Variants in DNAJC5 observed in about 807,000 individuals in gnomAD.
The protein encoded by DNAJC5 is dnaJ homolog subfamily C member 5.
Under a neutral mutation model 23.2 loss-of-function variants are expected in DNAJC5, and 1 was observed. The observed-to-expected ratio is 0.04, with a 90% CI of 0.02 to 0.20. The LOEUF is 0.20. DNAJC5 is among the 10% of genes least tolerant of loss of function. The probability of loss-of-function intolerance (pLI) is 1.00; values close to 1 mark genes in which losing one functional copy is unlikely to be tolerated. For synonymous variants in DNAJC5, 136 were observed against 120.0 expected, an observed-to-expected ratio of 1.13 and a Z score of -0.87; for missense variants, 180 against 267.0, an observed-to-expected ratio of 0.67 and a Z score of 2.27.
Position 63,928,607 on chromosome 20 carries a change from ATG to A in DNAJC5, c.107+158_107+159del, listed in dbSNP as rs2053635779. On this transcript the variant is annotated intron_variant, in intron 2 of 4. Transcript: ENST00000360864. This position sits in a 1 kb window ranked among gnomAD's most constrained non-coding sequence, Gnocchi z 4.6. Reference sequence around the variant, plus strand: ...GCTCGGTAACACCTTTGTATGTGTAATGTGCTCCTTATAGCTTAAAGTTATGG... The same window carrying A: ...GCTCGGTAACACCTTTGTATGTGTAATGCTCCTTATAGCTTAAAGTTATGG... Among the ~76,000 whole-genome samples, 2 of 152,216 alleles carry A rather than the reference ATG, an allele frequency of 1.3e-5. No homozygotes were observed. The highest frequency in any genetic ancestry group is 6.5e-5 in the Admixed American group (1 of 15,288).
chr20:63,921,898 C>T (rs1394028238), intron 1 of DNAJC5, among the ~76,000 whole-genome samples: 1 of 152,014 alleles, frequency 6.6e-6, no homozygotes, highest in Non-Finnish European at 1.5e-5. Flanking sequence ...CCTGCCTCAG[C>T]CTCCCAACTA....
chr20:63,920,133 G>A lies in DNAJC5; in HGVS notation c.-11-8202G>A, dbSNP rs2053555551. Among the ~76,000 whole-genome samples, 1 of 139,484 alleles carries A rather than the reference G, an allele frequency of 7.2e-6. No homozygotes were observed. The highest frequency in any genetic ancestry group is 7.0e-5 in the Admixed American group (1 of 14,248). 91.5% of individuals were successfully genotyped at this position (139,484 alleles called of 152,430 possible). On this transcript the variant is annotated intron_variant, in intron 1 of 4. Coordinates refer to ENST00000360864, the MANE Select transcript of DNAJC5 (RefSeq NM_025219.3). This position sits in a 1 kb window ranked among gnomAD's most constrained non-coding sequence, Gnocchi z 4.6. ...GGGCCCGGGACAGCGCCACGGAAGAGGACGCACAGGACAGCGCCACGGAAG... is the reference window on the plus strand; with the variant it reads ...GGGCCCGGGACAGCGCCACGGAAGAAGACGCACAGGACAGCGCCACGGAAG...
chr20:63,897,396 T>C (rs1568972545), intron 1 of DNAJC5, among the ~76,000 whole-genome samples: 3 of 146,118 alleles, frequency 2.1e-5, no homozygotes, highest in African/African-American at 7.7e-5. Context: ...CTCCATCTTA[T>C]AAAAAAAATA....
chr20:63,931,044 C>T lies in DNAJC5; in HGVS notation c.493+22C>T, dbSNP rs75028039. 0.036 allele frequency: 57,425 copies of T among 1,608,254 alleles called. 1,144 individuals are homozygous for T. Among genetic ancestry groups the T allele is most frequent in the Middle Eastern group, 0.067 (405 of 6,050 alleles). On this transcript the variant is annotated intron_variant, in intron 4 of 4. Coordinates refer to ENST00000360864, the MANE Select transcript of DNAJC5 (RefSeq NM_025219.3). The surrounding 1 kb of genome is among the most constrained non-coding windows in gnomAD (Gnocchi z 9.6). ...AGGGGTGAGTGCCCGCCCCAGGGCC[C>T]GTGTGTGTGTGTGGGGCAGAGCCAG...
chr20:63,933,310 G>A lies in DNAJC5; in HGVS notation c.*1742G>A, dbSNP rs2053689916. ...CCAGGAAGCTGCCAAAAGGGACATG[G>A]ATATGAGGATACATCTGGACGTGCT... On this transcript the variant is annotated 3_prime_UTR_variant, in exon 5 of 5. Transcript: ENST00000360864. The A allele has an allele frequency of 6.6e-6, 1 of 152,378 alleles. No individual in the cohort carries two copies. Among genetic ancestry groups the A allele is most frequent in the African/African-American group, 2.4e-5 (1 of 41,440 alleles). 9.4% of individuals were successfully genotyped at this position (152,378 alleles called of 1,614,324 possible). A position where few individuals can be genotyped will look rare whatever the true frequency, so the allele number is the denominator to read the frequency against.
chr20:63,900,480 G>A (rs1378462127), intron 1 of DNAJC5, among the ~76,000 whole-genome samples: 1 of 150,398 alleles, frequency 6.6e-6, no homozygotes, highest in Non-Finnish European at 1.5e-5. Context: ...CGGAGGCTGA[G>A]GTGGTAGGAT....
Position 63,928,258 on chromosome 20 carries a change from G to A in DNAJC5, c.-11-77G>A. 8.3e-7 allele frequency: 1 copy of A among 1,209,992 alleles called. No individual in the cohort carries two copies. The highest frequency in any genetic ancestry group is 1.2e-6 in the Non-Finnish European group (1 of 829,310). The allele number at this position is 1,209,992 out of a possible 1,614,324, so 75.0% of individuals were successfully genotyped here. On this transcript the variant is annotated intron_variant, in intron 1 of 4. Transcript: ENST00000360864. This position sits in a 1 kb window ranked among gnomAD's most constrained non-coding sequence, Gnocchi z 4.6. ...ATTCTTTTGCTTTGAACGGTCTTAT[G>A]GAATAAAGTCCATCAGCTCTGCCCT...
At chr20:63,902,081 GT>G (rs1907982180) in intron 1 of DNAJC5, among the ~76,000 whole-genome samples, 3 of 151,924 alleles carry the variant, frequency 2.0e-5, no homozygotes, top group African/African-American at 7.3e-5. Flanking sequence ...GGGGGACAGA[GT>G]CTTGTGCTGT....
In DNAJC5 at chr20:63,935,138, G is replaced by C. The variant is rs1299883171; in HGVS notation, c.*3570G>C. 6.6e-6 allele frequency: 1 copy of C among 152,330 alleles called. No homozygotes were observed. Among genetic ancestry groups the C allele is most frequent in the East Asian group, 1.9e-4 (1 of 5,206 alleles). The allele number at this position is 152,330 out of a possible 1,614,324, so 9.4% of individuals were successfully genotyped here. A position where few individuals can be genotyped will look rare whatever the true frequency, so the allele number is the denominator to read the frequency against. ...AGCTACATTTTTACTGTCCTTACCAGCAACAGTTTGCGTCGTCACATGCTG... is the reference window on the plus strand; with the variant it reads ...AGCTACATTTTTACTGTCCTTACCACCAACAGTTTGCGTCGTCACATGCTG... On this transcript the variant is annotated 3_prime_UTR_variant, in exon 5 of 5. Coordinates refer to ENST00000360864, the MANE Select transcript of DNAJC5 (RefSeq NM_025219.3).
chr20:63,907,801 C>G (rs1429469405), intron 1 of DNAJC5, among the ~76,000 whole-genome samples: 1 of 152,226 alleles, frequency 6.6e-6, no homozygotes, highest in Non-Finnish European at 1.5e-5. Flanking sequence ...GAGTCTCGCT[C>G]TGTCGACAGG....
chr20:63,923,299 G>A (rs1434418730), intron 1 of DNAJC5, among the ~76,000 whole-genome samples: 1 of 151,720 alleles, frequency 6.6e-6, no homozygotes, highest in East Asian at 1.9e-4. Context: ...AAAGTTAGCT[G>A]GGCATGGTGG....
In DNAJC5 at chr20:63,928,330, T is replaced by C. The variant is rs2053632611; in HGVS notation, c.-11-5T>C. The C allele has an allele frequency of 6.2e-7, 1 of 1,608,978 alleles. No individual in the cohort carries two copies. The highest frequency in any genetic ancestry group is 1.7e-5 in the Admixed American group (1 of 59,996). ...GTGATACTTTCTTTTTATTTTTTCT[T>C]CTAGAATAGCCTAACATGGCAGACC... On this transcript the variant is annotated splice_region_variant and splice_polypyrimidine_tract_variant and intron_variant, in intron 1 of 4. Coordinates refer to ENST00000360864, the MANE Select transcript of DNAJC5 (RefSeq NM_025219.3). The surrounding 1 kb of genome is among the most constrained non-coding windows in gnomAD (Gnocchi z 4.6).
chr20:63,931,356 C>G lies in DNAJC5; in HGVS notation c.494-109C>G. 9.2e-7 allele frequency: 1 copy of G among 1,090,970 alleles called. No homozygotes were observed. The highest frequency in any genetic ancestry group is 1.3e-5 in the South Asian group (1 of 74,976). 67.6% of individuals were successfully genotyped at this position (1,090,970 alleles called of 1,614,324 possible). A position where few individuals can be genotyped will look rare whatever the true frequency, so the allele number is the denominator to read the frequency against. On this transcript the variant is annotated intron_variant, in intron 4 of 4. Coordinates refer to ENST00000360864, the MANE Select transcript of DNAJC5 (RefSeq NM_025219.3). The surrounding 1 kb of genome is among the most constrained non-coding windows in gnomAD (Gnocchi z 9.6). Reference sequence around the variant, plus strand: ...TGGGGTGGAGGTCAGCGAGTAGCCTCTCCCGGTGGAGAGTTTGTCCAGGTG... The same window carrying G: ...TGGGGTGGAGGTCAGCGAGTAGCCTGTCCCGGTGGAGAGTTTGTCCAGGTG...
chr20:63,899,795 A>G (rs929724639), intron 1 of DNAJC5, among the ~76,000 whole-genome samples: 2 of 148,024 alleles, frequency 1.4e-5, no homozygotes, highest in Non-Finnish European at 3.0e-5. Context: ...GTTAGCCAGG[A>G]TGGTCTCGAT....
intron 1 of DNAJC5, among the ~76,000 whole-genome samples, chr20:63,918,398 G>T (rs774984836): frequency 2.0e-5 from 3 of 152,050 alleles, no homozygotes; most frequent in African/African-American, 4.8e-5. Flanking sequence ...GTGCTAGGCC[G>T]TATTTTTAAG....
At chr20:63,926,819 A>C (rs1460045368) in intron 1 of DNAJC5, among the ~76,000 whole-genome samples, 2 of 152,186 alleles carry the variant, frequency 1.3e-5, no homozygotes, top group Non-Finnish European at 2.9e-5. Flanking sequence ...TGCTCTTACC[A>C]AGAAACACCC....
chr20:63,915,298 A>G (rs1223068710), intron 1 of DNAJC5, among the ~76,000 whole-genome samples: 1 of 152,152 alleles, frequency 6.6e-6, no homozygotes, highest in East Asian at 1.9e-4. Context: ...GCTGTAATAT[A>G]TTCTGTGACC....
intron 1 of DNAJC5, among the ~76,000 whole-genome samples, chr20:63,915,679 T>C (rs2427546): frequency 0.34 from 52,319 of 152,062 alleles, 10,751 homozygotes; most frequent in East Asian, 0.81. Flanking sequence ...GAGCCCTAAG[T>C]TCCAGTGGCC....
In DNAJC5 at chr20:63,920,595, G is replaced by A. The variant is rs1298467890; in HGVS notation, c.-11-7740G>A. On this transcript the variant is annotated intron_variant, in intron 1 of 4. Transcript: ENST00000360864. The surrounding 1 kb of genome is among the most constrained non-coding windows in gnomAD (Gnocchi z 4.6). ...TGCCTAGGCATGTGTGCGGGCCCTG[G>A]GGCTGCTGCCAGCAGAACGGACTGG... is the stretch of plus-strand genomic sequence containing the variant. Among the ~76,000 whole-genome samples, 1 of 152,246 alleles carries A rather than the reference G, an allele frequency of 6.6e-6. No homozygotes were observed. The highest frequency in any genetic ancestry group is 1.5e-5 in the Non-Finnish European group (1 of 68,048).
Sources: gnomAD v4.1 joint callset for allele counts (sites outside exome capture counted in the v4.1 genomes callset) on GRCh38, gnomAD v4.1.1 for gene constraint, Gnocchi (gnomAD v3.1) non-coding constraint, MANE v1.5 for transcripts, NCBI Gene and HGNC (gene_info 2026-07-23, HGNC 2026-07-21) for gene names.